TCEAL7: variants seen among roughly 807,000 people sequenced by gnomAD.
The protein encoded by TCEAL7 is transcription elongation factor A protein-like 7.
For missense variants in TCEAL7, 63 were observed against 77.9 expected, an observed-to-expected ratio of 0.81 and a Z score of 0.72; for synonymous variants, 22 against 25.5, an observed-to-expected ratio of 0.86 and a Z score of 0.42.
At position 103,331,742 on chromosome X, in the gene TCEAL7, T is replaced by C; in HGVS notation, c.*36T>C. On this transcript the variant is annotated 3_prime_UTR_variant, in exon 3 of 3. Coordinates refer to ENST00000332431, the MANE Select transcript of TCEAL7 (RefSeq NM_152278.5). ...TGACAATTCAATTATTTTCTGTTAT[T>C]AATGTTGCCACTGCTTTCTGTTTGT... 9.5e-7 allele frequency: 1 copy of C among 1,048,071 alleles called. No homozygotes were observed. Among genetic ancestry groups the C allele is most frequent in the Non-Finnish European group, 1.3e-6 (1 of 774,536 alleles). 86.4% of individuals were successfully genotyped at this position (1,048,071 alleles called of 1,213,427 possible).
rs779013069 is a variant in TCEAL7 at position 103,331,731 on chromosome X, T to A, written c.*25T>A. ...ATTAATTTCTCTGACAATTCAATTA[T>A]TTTCTGTTATTAATGTTGCCACTGC... On this transcript the variant is annotated 3_prime_UTR_variant, in exon 3 of 3. Coordinates refer to ENST00000332431, the MANE Select transcript of TCEAL7 (RefSeq NM_152278.5). The A allele has an allele frequency of 2.7e-6, 3 of 1,091,295 alleles. No homozygotes were observed. In the Admixed American group the frequency reaches 8.4e-5, roughly 31 times the overall value. The allele number at this position is 1,091,295 out of a possible 1,213,427, so 89.9% of individuals were successfully genotyped here. A position where few individuals can be genotyped will look rare whatever the true frequency, so the allele number is the denominator to read the frequency against.
rs1437595083 is a variant in TCEAL7 at position 103,331,796 on chromosome X, C to T, written c.*90C>T. 2.1e-5 allele frequency: 15 copies of T among 719,097 alleles called. No homozygotes were observed. Among genetic ancestry groups the T allele is most frequent in the Non-Finnish European group, 1.8e-5 (9 of 491,545 alleles). 59.3% of individuals were successfully genotyped at this position (719,097 alleles called of 1,213,427 possible). On this transcript the variant is annotated 3_prime_UTR_variant, in exon 3 of 3. Transcript: ENST00000332431. ...CACTTTCTTGATAAATATTTGCTAT[C>T]GTTTTACTCCAGTCATTCGATGTTG...
chrX:103,331,495 A>G lies in TCEAL7; in HGVS notation c.92A>G (p.Gln31Arg). ...EKRPYGEFER[Q>R]QTEGNFRQRL... ...CGCCCGTATGGAGAATTTGAACGCC[A>G]GCAAACAGAAGGGAATTTTAGACAG... Residue 31 changes from glutamine (Q) to arginine (R), a missense_variant, in exon 3 of 3, where the codon CAG becomes CGG. By Grantham distance (43) the Gln-to-Arg change is conservative (BLOSUM62 1). Transcript: ENST00000332431. 8.3e-7 allele frequency: 1 copy of G among 1,210,680 alleles called. No homozygotes were observed. Among genetic ancestry groups the G allele is most frequent in the Non-Finnish European group, 1.1e-6 (1 of 894,765 alleles).
Position 103,332,078 on chromosome X carries a change from C to T in TCEAL7, c.*372C>T, listed in dbSNP as rs1926529029. 5 of 136,168 alleles carry T rather than the reference C, an allele frequency of 3.7e-5. No individual in the cohort carries two copies. 11.2% of individuals were successfully genotyped at this position (136,168 alleles called of 1,213,427 possible). On this transcript the variant is annotated 3_prime_UTR_variant, in exon 3 of 3. Coordinates refer to ENST00000332431, the MANE Select transcript of TCEAL7 (RefSeq NM_152278.5). ...GGTTAACAGTGAATCTCTGTGTGAT[C>T]TCTTTTTTTTTCTTTTTGCCTATCT...
intron 1 of TCEAL7, among the ~76,000 whole-genome samples, chrX:103,330,622 G>A (rs1926494479): frequency 9.0e-6 from 1 of 111,322 alleles, no homozygotes; most frequent in South Asian, 3.8e-4. Flanking sequence ...GTGTTGGTGT[G>A]TGGAGAAAGG....
rs776850080 is a variant in TCEAL7 at position 103,331,646 on chromosome X, G to T, written c.243G>T (p.Lys81Asn). The T allele has an allele frequency of 1.7e-6, 2 of 1,210,129 alleles. No homozygotes were observed. Among genetic ancestry groups the T allele is most frequent in the Non-Finnish European group, 2.2e-6 (2 of 894,347 alleles). Reference protein sequence around the residue: ...RCLEEIRGLRKKFRALHSNHR... With the variant: ...RCLEEIRGLRNKFRALHSNHR... ...TGGAAGAGATAAGGGGTCTGAGAAA[G>T]AAATTTAGGGCTCTGCATTCTAACC... Residue 81 changes from lysine to asparagine, a missense_variant, in exon 3 of 3, where the codon AAG becomes AAT. Transcript: ENST00000332431.
intron 1 of TCEAL7, among the ~76,000 whole-genome samples, 158 bp downstream of exon 1, chrX:103,330,462 AG>A (rs1283846632): frequency 9.0e-6 from 1 of 111,297 alleles, no homozygotes; most frequent in East Asian, 2.8e-4. Flanking sequence ...GGGGGAAGCA[AG>A]GGGGTAGGTC....
Position 103,331,407 on chromosome X carries a change from C to T in TCEAL7, c.4C>T (p.Gln2Ter). 1 of 1,158,343 alleles carries T rather than the reference C, an allele frequency of 8.6e-7. No individual in the cohort carries two copies. Among genetic ancestry groups the T allele is most frequent in the Non-Finnish European group, 1.2e-6 (1 of 869,061 alleles). Residue 2 changes from glutamine (Q) to a stop codon, truncating the protein, a stop_gained, in exon 3 of 3, where the codon CAA (glutamine) becomes TAA (stop). Transcript: ENST00000332431. LOFTEE classifies it low-confidence loss of function (END_TRUNC). The stretch of plus-strand genomic sequence containing the variant: ...AGCAGGAAACAACAACAACATCATG[C>T]AAAAACCCTGCAAAGAAAACGAAGG... M[Q>*]KPCKENEGKP... is the part of the protein sequence containing the mutation.
chrX:103,330,535 C>A (rs1160147503), intron 1 of TCEAL7, among the ~76,000 whole-genome samples: 1 of 111,837 alleles, frequency 8.9e-6, no homozygotes, highest in Admixed American at 9.4e-5. Context: ...GCTTCTCTCA[C>A]CCTGGCATGC....
chrX:103,331,864 C>T lies in TCEAL7; in HGVS notation c.*158C>T. The stretch of plus-strand genomic sequence containing the variant: ...CTCTTGTCAACATCTCATCTTTTGA[C>T]CCAATCTTATTCATTTAATAAGAGG... On this transcript the variant is annotated 3_prime_UTR_variant, in exon 3 of 3. Coordinates refer to ENST00000332431, the MANE Select transcript of TCEAL7 (RefSeq NM_152278.5). The T allele has an allele frequency of 2.2e-6, 1 of 451,320 alleles. No homozygotes were observed. The highest frequency in any genetic ancestry group is 3.8e-6 in the Non-Finnish European group (1 of 263,953). 37.2% of individuals were successfully genotyped at this position (451,320 alleles called of 1,213,427 possible). A position where few individuals can be genotyped will look rare whatever the true frequency, so the allele number is the denominator to read the frequency against.
At chrX:103,330,894 AAAT>A (rs201423552) in intron 1 of TCEAL7, 26 bp from the exon 2 acceptor site, 1,381 of 111,933 alleles carry the variant, frequency 0.012, 14 homozygotes, top group South Asian at 0.076. Flanking sequence ...CCCAGGTTCA[AAAT>A]AATAACGTCT....
intron 2 of TCEAL7, among the ~76,000 whole-genome samples, 162 bp from the exon 3 acceptor site, chrX:103,331,215 G>T (rs1926508558): frequency 9.0e-6 from 1 of 110,831 alleles, no homozygotes; most frequent in African/African-American, 3.3e-5. Flanking sequence ...TCCTGAGGTG[G>T]GAGGGGAGAA....
In TCEAL7 at chrX:103,331,921, G is replaced by T; in HGVS notation, c.*215G>T. ...TCATTTGCATGGAAAAATGCTCATT[G>T]TATATTGCAAAGTGAAAATAACGAG... On this transcript the variant is annotated 3_prime_UTR_variant, in exon 3 of 3. Transcript: ENST00000332431. The T allele has an allele frequency of 2.5e-6, 1 of 396,614 alleles. No homozygotes were observed. Among genetic ancestry groups the T allele is most frequent in the Non-Finnish European group, 4.4e-6 (1 of 225,747 alleles). The allele number at this position is 396,614 out of a possible 1,213,427, so 32.7% of individuals were successfully genotyped here. A position where few individuals can be genotyped will look rare whatever the true frequency, so the allele number is the denominator to read the frequency against.
In TCEAL7 at chrX:103,331,556, C is replaced by T; in HGVS notation, c.153C>T (p.Asp51=). Residue 51 remains aspartate, a synonymous_variant, in exon 3 of 3, where the codon GAC becomes GAT. Transcript: ENST00000332431. ...AGTCTCTCGAAGAATTTAAAGAGGA[C>T]ATAGACTATAGGCATTTTAAAGATG... is the stretch of plus-strand genomic sequence containing the variant. ...LLQSLEEFKE[D]IDYRHFKDEE... The T allele has an allele frequency of 2.5e-6, 3 of 1,209,425 alleles. No homozygotes were observed. The highest frequency in any genetic ancestry group is 3.4e-6 in the Non-Finnish European group (3 of 894,116).
chrX:103,331,273 C>A (rs1175620835), intron 2 of TCEAL7, 104 bp from the exon 3 acceptor site: 11 of 686,449 alleles, frequency 1.6e-5, no homozygotes, highest in Non-Finnish European at 2.1e-5. Flanking sequence ...CTTATGAGGT[C>A]TGGACCTGTG....
Position 103,331,673 on chromosome X carries a change from T to C in TCEAL7, c.270T>C (p.His90=). The C allele has an allele frequency of 8.3e-7, 1 of 1,207,549 alleles. No homozygotes were observed. The highest frequency in any genetic ancestry group is 2.3e-4 in the Middle Eastern group (1 of 4,309). ...AATTTAGGGCTCTGCATTCTAACCA[T>C]AGGCATTCTCGGGACCGTCCTTATC... ...RKKFRALHSN[H]RHSRDRPYPI Residue 90 remains histidine (H), a synonymous_variant, in exon 3 of 3, where the codon CAT becomes CAC. Transcript: ENST00000332431.
rs367903139 is a variant in TCEAL7 at position 103,331,089 on chromosome X, G to A, written c.-28+49G>A. The A allele has an allele frequency of 2.1e-4, 48 of 225,492 alleles. 1 individual carries two copies. In the East Asian group the frequency reaches 4.1e-3, roughly 19 times the overall value. The allele number at this position is 225,492 out of a possible 1,213,427, so 18.6% of individuals were successfully genotyped here. A position where few individuals can be genotyped will look rare whatever the true frequency, so the allele number is the denominator to read the frequency against. ...ACTGAGATCTCTGAGGATAGGAGTC[G>A]GGAAGGGGCAAAAGCTAGGCGAAAT... On this transcript the variant is annotated intron_variant, in intron 2 of 2. Transcript: ENST00000332431.
intron 2 of TCEAL7, 75 bp downstream of exon 2, chrX:103,331,115 T>G (rs961954169): frequency 3.8e-6 from 1 of 264,366 alleles, no homozygotes; most frequent in African/African-American, 2.8e-5. Context: ...TAGGCGAAAT[T>G]TGCGGCTTCG....
At chrX:103,331,102 A>G in intron 2 of TCEAL7, 62 bp downstream of exon 2, 1 of 251,077 alleles carries the variant, frequency 4.0e-6, no homozygotes, top group Non-Finnish European at 7.0e-6. Context: ...AAGGGGCAAA[A>G]GCTAGGCGAA....
Sources: allele counts gnomAD v4.1 joint callset (sites outside exome capture counted in the v4.1 genomes callset), GRCh38; gene constraint gnomAD v4.1.1; transcripts MANE v1.5; gene names NCBI Gene and HGNC (gene_info 2026-07-23, HGNC 2026-07-21).